The following ZNF518A variants were observed in gnomAD, a reference collection of about 807,000 sequenced individuals.
The protein encoded by ZNF518A is zinc finger protein 518A.
Under a neutral mutation model 102.7 loss-of-function variants are expected in ZNF518A, and 47 were observed. That is an observed-to-expected ratio of 0.46 (90% CI 0.36 to 0.58). The LOEUF (loss-of-function observed/expected upper bound fraction) is 0.58, where lower values mean the gene tolerates loss of function less well. ZNF518A is among the 20% of genes least tolerant of loss of function. The probability of loss-of-function intolerance (pLI) is 0.00; values close to 1 mark genes in which losing one functional copy is unlikely to be tolerated. For missense variants in ZNF518A, 1,793 were observed against 1,699.8 expected, an observed-to-expected ratio of 1.05 and a Z score of -0.96; for synonymous variants, 652 against 594.6, an observed-to-expected ratio of 1.10 and a Z score of -1.40.
At position 96,162,528 on chromosome 10, in the gene ZNF518A, G is replaced by T. The variant is rs1316335086; in HGVS notation, c.*1754G>T. 6.0e-6 allele frequency: 1 copy of T among 166,764 alleles called. No individual in the cohort carries two copies. The highest frequency in any genetic ancestry group is 1.5e-5 in the Non-Finnish European group (1 of 68,000). The allele number at this position is 166,764 out of a possible 1,614,324, so 10.3% of individuals were successfully genotyped here. On this transcript the variant is annotated 3_prime_UTR_variant, in exon 6 of 6. Transcript: ENST00000316045. ...CTATCTTGCTATGCACATTATACTT[G>T]TACTGTTTTGTGCAGTTTGTCTACT...
rs372704484 is a variant in ZNF518A at position 96,158,347 on chromosome 10, A to G, written c.2025A>G (p.Gln675=). The G allele has an allele frequency of 1.7e-5, 28 of 1,613,634 alleles. No individual in the cohort carries two copies. Among genetic ancestry groups the G allele is most frequent in the South Asian group, 2.2e-5 (2 of 91,086 alleles). The change falls in exon 6 of 6, where the codon CAA becomes CAG. Residue 675 remains glutamine (Q), a synonymous_variant. Transcript: ENST00000316045. ...CTTCATCCAGCAAAACAGTTGTCCA[A>G]CAACCAATTAGTGAATCATTTTTAT... is the stretch of plus-strand genomic sequence containing the variant. The part of the protein sequence containing the change: ...RESSSSKTVV[Q]QPISESFLSL...
intron 1 of ZNF518A, among the ~76,000 whole-genome samples, chr10:96,178,959 T>C (rs782290270): frequency 2.4e-4 from 37 of 152,108 alleles, no homozygotes; most frequent in Non-Finnish European, 4.4e-4. Context: ...GATGGCTTCA[T>C]TGGTGAACTC....
downstream of ZNF518A, among the ~76,000 whole-genome samples, chr10:96,165,416 C>T (rs929157887): frequency 1.4e-5 from 2 of 146,476 alleles, no homozygotes; most frequent in East Asian, 2.0e-4. Context: ...CAGTAAGACC[C>T]GTCTATAATA....
chr10:96,181,797 AT>A (rs1471738767), intron 1 of ZNF518A, among the ~76,000 whole-genome samples: 1 of 151,978 alleles, frequency 6.6e-6, no homozygotes, highest in Non-Finnish European at 1.5e-5. Flanking sequence ...GTTCTTTTTG[AT>A]TAGGATTGTC....
chr10:96,154,140 G>C (rs2082582135), intron 3 of ZNF518A, among the ~76,000 whole-genome samples: 1 of 152,156 alleles, frequency 6.6e-6, no homozygotes, highest in Non-Finnish European at 1.5e-5. Context: ...CACCCAGCCT[G>C]GGCAACATGG....
intron 3 of ZNF518A, among the ~76,000 whole-genome samples, chr10:96,153,373 T>G (rs145442093): frequency 3.9e-5 from 6 of 152,350 alleles, no homozygotes; most frequent in Middle Eastern, 3.4e-3. Flanking sequence ...TTTTACTGGT[T>G]TTCTAGGTAT....
rs71486787 is a variant in ZNF518A, at chr10:96,150,546, G to GAA, written c.-301-4769_-301-4768dup. 4.8e-4 allele frequency among the ~76,000 whole-genome samples: 69 copies of GAA among 142,872 alleles called. 1 individual carries two copies. The highest frequency in any genetic ancestry group is 7.1e-3 in the Middle Eastern group (2 of 282). The allele number at this position is 142,872 out of a possible 152,430, so 93.7% of individuals were successfully genotyped here. The stretch of plus-strand genomic sequence containing the variant: ...GATTTTAAAAATTCAGATCTTTTTG[G>GAA]AAAAAAAAAAAACTTAGGTACAATT... On this transcript the variant is annotated intron_variant, in intron 3 of 5. Transcript: ENST00000316045.
chr10:96,152,837 ATTTG>A (rs1202427646), intron 3 of ZNF518A, among the ~76,000 whole-genome samples: 6 of 152,232 alleles, frequency 3.9e-5, no homozygotes, highest in African/African-American at 1.4e-4. Flanking sequence ...ATGGGACCAC[ATTTG>A]TTTATTAGGT....
chr10:96,151,268 G>C (rs1223202801), intron 3 of ZNF518A: 1 of 152,184 alleles, frequency 6.6e-6, no homozygotes, highest in Non-Finnish European at 1.5e-5. Context: ...GAAGTTGAGA[G>C]TTAACCTCAT....
chr10:96,185,136 T>C (rs1398858631), intron 1 of ZNF518A, among the ~76,000 whole-genome samples: 1 of 152,216 alleles, frequency 6.6e-6, no homozygotes, highest in East Asian at 1.9e-4. Flanking sequence ...TCTCGTGCCA[T>C]GGTTTTCAGC....
intron 1 of ZNF518A, among the ~76,000 whole-genome samples, chr10:96,182,102 G>T (rs911838292): frequency 6.6e-6 from 1 of 152,148 alleles, no homozygotes; most frequent in Non-Finnish European, 1.5e-5. Flanking sequence ...TGAAGCAATT[G>T]TGAATGGGAG....
chr10:96,156,524 G>T lies in ZNF518A; in HGVS notation c.202G>T (p.Asp68Tyr). The change falls in exon 6 of 6, where the codon GAC (aspartate) becomes TAC (tyrosine). Residue 68 changes from aspartate to tyrosine, a missense_variant. This residue lies in a region of ZNF518A where 1,741 missense variants were observed against 1,622.6 expected (regional missense o/e 1.07). Transcript: ENST00000316045. ...PNEVLLKHEV[D>Y]KYRKLFQSKQ... ...TGAAGTCCTATTGAAACATGAAGTT[G>T]ACAAATACAGAAAATTATTTCAGAG... is the stretch of plus-strand genomic sequence containing the variant. The T allele has an allele frequency of 6.2e-7, 1 of 1,610,788 alleles. No homozygotes were observed. The highest frequency in any genetic ancestry group is 1.1e-5 in the South Asian group (1 of 89,914).
intron 1 of ZNF518A, chr10:96,201,189 C>A: frequency 1.2e-6 from 1 of 811,334 alleles, no homozygotes. Context: ...GGCAATGGTT[C>A]CAAAAGTGTG....
intron 1 of ZNF518A, among the ~76,000 whole-genome samples, chr10:96,197,304 ATAAT>A (rs1346550920): frequency 3.9e-5 from 6 of 152,228 alleles, no homozygotes; most frequent in African/African-American, 1.2e-4. Flanking sequence ...AAAAAAGGTA[ATAAT>A]TAATTAATTA....
At position 96,160,991 on chromosome 10, in the gene ZNF518A, C is replaced by T; in HGVS notation, c.*217C>T. The T allele has an allele frequency of 2.2e-6, 1 of 450,506 alleles. No individual in the cohort carries two copies. Among genetic ancestry groups the T allele is most frequent in the Non-Finnish European group, 3.9e-6 (1 of 259,198 alleles). The allele number at this position is 450,506 out of a possible 1,614,324, so 27.9% of individuals were successfully genotyped here. On this transcript the variant is annotated 3_prime_UTR_variant, in exon 6 of 6. Transcript: ENST00000316045. Reference sequence around the variant, plus strand: ...AAGTTTTGAAAGAAACTAATCACAGCACAGAAGTACCTTGATTTAATTTTT... The same window carrying T: ...AAGTTTTGAAAGAAACTAATCACAGTACAGAAGTACCTTGATTTAATTTTT...
intron 3 of ZNF518A, among the ~76,000 whole-genome samples, chr10:96,155,101 A>T (rs1371296374): frequency 7.9e-5 from 12 of 152,194 alleles, no homozygotes; most frequent in Non-Finnish European, 1.8e-4. Flanking sequence ...TAATTTTTCT[A>T]ATAATACAGT....
intron 3 of ZNF518A, among the ~76,000 whole-genome samples, chr10:96,143,375 CA>C (rs1437079988): frequency 2.6e-5 from 4 of 152,314 alleles, no homozygotes; most frequent in African/African-American, 9.6e-5. Context: ...CCCCATCATG[CA>C]TTCTCTTTTT....
At position 96,159,468 on chromosome 10, in the gene ZNF518A, G is replaced by A; in HGVS notation, c.3146G>A (p.Gly1049Asp). 1.2e-6 allele frequency: 2 copies of A among 1,613,716 alleles called. No homozygotes were observed. Among genetic ancestry groups the A allele is most frequent in the Non-Finnish European group, 1.7e-6 (2 of 1,179,758 alleles). ...TCAGAAAATACTTTGCCATTAAAAG[G>A]CCCTTACATTTTGAAACCAACGAGT... ...SSSENTLPLKGPYILKPTSSV... is the reference protein window; with the variant it reads ...SSSENTLPLKDPYILKPTSSV... The change falls in exon 6 of 6, where the codon GGC becomes GAC. Residue 1049 changes from glycine (G) to aspartate (D), a missense_variant. Physicochemically the swap from Gly to Asp is moderately conservative, Grantham distance 94. This residue lies in a region of ZNF518A where 1,741 missense variants were observed against 1,622.6 expected (regional missense o/e 1.07). Transcript: ENST00000316045.
downstream of ZNF518A, among the ~76,000 whole-genome samples, chr10:96,166,415 A>G (rs782583710): frequency 6.6e-6 from 1 of 152,214 alleles, no homozygotes; most frequent in Non-Finnish European, 1.5e-5. Context: ...TAGAGCAATC[A>G]GTAACAGTGG....
Sources: gnomAD v4.1 joint callset for allele counts (sites outside exome capture counted in the v4.1 genomes callset) on GRCh38, gnomAD v4.1.1 for gene constraint, gnomAD v4.1.1 regional missense constraint, MANE v1.5 for transcripts, NCBI Gene and HGNC (gene_info 2026-07-23, HGNC 2026-07-21) for gene names.